The following PSMD14 variants were observed in gnomAD, a reference collection of about 807,000 sequenced individuals.
PSMD14 encodes ubiquitin C-terminal hydrolase PSMD14.
PSMD14 carries 7 observed loss-of-function variants against 41.2 expected under a neutral mutation model. The ratio of observed to expected loss-of-function variants is 0.17; its 90% CI spans 0.10 to 0.32. The LOEUF is 0.32. Ranked by LOEUF, PSMD14 falls within the 10% of genes least tolerant of loss-of-function variation. PSMD14 has a pLI of 1.00. For synonymous variants in PSMD14, 114 were observed against 122.3 expected (o/e 0.93, Z 0.45); for missense variants, 139 against 375.6 (o/e 0.37, Z 5.21).
At chr2:161,397,858 G>A (rs1174012348) in intron 10 of PSMD14, among the ~76,000 whole-genome samples, 6 of 152,228 alleles carry the variant, frequency 3.9e-5, no homozygotes, top group Non-Finnish European at 7.4e-5. Flanking sequence ...TCTAGTATAC[G>A]TTTTCATGCT....
chr2:161,356,841 G>A (rs1340540138), intron 3 of PSMD14, among the ~76,000 whole-genome samples: 3 of 148,592 alleles, frequency 2.0e-5, no homozygotes, highest in African/African-American at 5.0e-5. Flanking sequence ...GATATTTTTG[G>A]AATGTTGCAG....
At chr2:161,401,684 A>G (rs16845830) in intron 10 of PSMD14, among the ~76,000 whole-genome samples, 10,063 of 152,218 alleles carry the variant, frequency 0.066, 457 homozygotes, top group East Asian at 0.15. Context: ...ATTCATCTCT[A>G]TTTCATGTAA....
intron 3 of PSMD14, among the ~76,000 whole-genome samples, chr2:161,352,184 A>C (rs1683127610): frequency 6.6e-6 from 1 of 152,168 alleles, no homozygotes; most frequent in Non-Finnish European, 1.5e-5. Context: ...CTTGTTTTAT[A>C]AGTTTATATC....
chr2:161,386,523 G>C (rs567726436), intron 8 of PSMD14, among the ~76,000 whole-genome samples: 1 of 151,532 alleles, frequency 6.6e-6, no homozygotes, highest in South Asian at 2.1e-4. Flanking sequence ...TCATCAAAGT[G>C]AAGTGTTTTG....
chr2:161,394,910 G>A (rs986939530), intron 9 of PSMD14, among the ~76,000 whole-genome samples, 168 bp from the exon 10 acceptor site: 8 of 151,830 alleles, frequency 5.3e-5, no homozygotes, highest in Non-Finnish European at 1.2e-4. Context: ...TACTCCTTAA[G>A]TTATATTAAT....
intron 1 of PSMD14, among the ~76,000 whole-genome samples, chr2:161,311,824 A>G (rs978132329): frequency 6.6e-6 from 1 of 151,978 alleles, no homozygotes; most frequent in Non-Finnish European, 1.5e-5. Flanking sequence ...CATGTTGGCC[A>G]GGCTGGTCTC....
At chr2:161,358,355 C>T (rs889564502) in intron 3 of PSMD14, among the ~76,000 whole-genome samples, 2 of 152,052 alleles carry the variant, frequency 1.3e-5, no homozygotes, top group African/African-American at 4.8e-5. Context: ...TTAAGTCTAA[C>T]TTAAGAAAAT....
chr2:161,372,002 A>G (rs1683441832), intron 7 of PSMD14, among the ~76,000 whole-genome samples: 1 of 147,572 alleles, frequency 6.8e-6, no homozygotes, highest in Admixed American at 6.8e-5. Context: ...CTAGCCCCAT[A>G]TGCCATTTTC....
chr2:161,362,978 G>A (rs967696045), intron 3 of PSMD14, among the ~76,000 whole-genome samples: 1 of 152,010 alleles, frequency 6.6e-6, no homozygotes, highest in Non-Finnish European at 1.5e-5. Flanking sequence ...TTGAGCTCTT[G>A]TCTGTCCTGT....
At chr2:161,317,374 T>A (rs1347785727) in intron 2 of PSMD14, among the ~76,000 whole-genome samples, 1 of 152,194 alleles carries the variant, frequency 6.6e-6, no homozygotes, top group Non-Finnish European at 1.5e-5. Context: ...ACAAGCCAGA[T>A]ACGAAAAATA....
chr2:161,324,033 T>G (rs2105233126), intron 3 of PSMD14, among the ~76,000 whole-genome samples: 1 of 152,318 alleles, frequency 6.6e-6, no homozygotes. Flanking sequence ...TTCTGTACTT[T>G]TTAAAAATTT....
At chr2:161,362,011 G>A (rs1322639560) in intron 3 of PSMD14, among the ~76,000 whole-genome samples, 3 of 151,784 alleles carry the variant, frequency 2.0e-5, no homozygotes, top group Non-Finnish European at 4.4e-5. Context: ...TGTCAGTATT[G>A]TGTTTGGTTT....
intron 3 of PSMD14, among the ~76,000 whole-genome samples, chr2:161,357,467 A>C (rs933058120): frequency 1.3e-5 from 2 of 152,164 alleles, no homozygotes; most frequent in Non-Finnish European, 1.5e-5. Context: ...TTTTATAACA[A>C]ACTTATTTTC....
chr2:161,367,939 G>A (rs1490184095), intron 5 of PSMD14, 36 bp downstream of exon 5: 1 of 1,583,442 alleles, frequency 6.3e-7, no homozygotes, highest in Non-Finnish European at 8.6e-7. Context: ...GCAAGTAAAT[G>A]TGTTTCTTTT....
intron 3 of PSMD14, among the ~76,000 whole-genome samples, chr2:161,359,186 G>A (rs1225898294): frequency 6.6e-6 from 1 of 152,042 alleles, no homozygotes; most frequent in African/African-American, 2.4e-5. Context: ...TGCCCAGGGT[G>A]GTCTTCAGCT....
At chr2:161,402,191 C>T (rs1466156917) in intron 10 of PSMD14, among the ~76,000 whole-genome samples, 1 of 152,160 alleles carries the variant, frequency 6.6e-6, no homozygotes, top group African/African-American at 2.4e-5. Context: ...TCCAGTCTTT[C>T]CCTTTCAAAT....
In PSMD14 at chr2:161,391,151, C is replaced by T; in HGVS notation, c.618C>T (p.Asn206=). Residue 206 remains asparagine (N), a synonymous_variant, in exon 9 of 12, where the codon AAC becomes AAT. Coordinates refer to ENST00000409682, the MANE Select transcript of PSMD14 (RefSeq NM_005805.6). The part of the protein sequence containing the change: ...LNRHYYSITI[N]YRKNELEQKM... ...GACATTATTACTCCATTACTATTAA[C>T]TATCGGAAAAATGAACTGGAACAGA... 3 of 1,536,536 alleles carry T rather than the reference C, an allele frequency of 2.0e-6. No individual in the cohort carries two copies. Among genetic ancestry groups the T allele is most frequent in the Non-Finnish European group, 2.6e-6 (3 of 1,139,414 alleles).
At chr2:161,338,658 GAT>G (rs1372413984) in intron 3 of PSMD14, among the ~76,000 whole-genome samples, 1 of 152,062 alleles carries the variant, frequency 6.6e-6, no homozygotes, top group Non-Finnish European at 1.5e-5. Context: ...GCTTAATTGA[GAT>G]ATAATTGACA....
At chr2:161,336,390 C>T (rs1222709617) in intron 3 of PSMD14, among the ~76,000 whole-genome samples, 2 of 152,084 alleles carry the variant, frequency 1.3e-5, no homozygotes, top group African/African-American at 2.4e-5. Flanking sequence ...GATGCTGATA[C>T]TATTTACGAG....
Sources: allele counts gnomAD v4.1 joint callset (sites outside exome capture counted in the v4.1 genomes callset), GRCh38; gene constraint gnomAD v4.1.1; transcripts MANE v1.5; gene names NCBI Gene and HGNC (gene_info 2026-07-23, HGNC 2026-07-21).